The following UNC5A variants were observed in gnomAD, a reference collection of about 807,000 sequenced individuals.
UNC5A encodes the protein unc-5 netrin receptor A.
In UNC5A, 20 loss-of-function variants were observed where a neutral mutation model predicts 87.4. The ratio of observed to expected loss-of-function variants is 0.23; its 90% CI spans 0.16 to 0.33. The LOEUF (loss-of-function observed/expected upper bound fraction) is 0.33, where lower values mean the gene tolerates loss of function less well. UNC5A is among the 10% of genes least tolerant of loss of function. UNC5A has a pLI of 1.00. For missense variants in UNC5A, 844 were observed against 1,133.4 expected, an observed-to-expected ratio of 0.74 and a Z score of 3.67; for synonymous variants, 438 against 482.3, an observed-to-expected ratio of 0.91 and a Z score of 1.20.
chr5:176,816,575 A>G (rs1756593306), intron 1 of UNC5A, among the ~76,000 whole-genome samples: 1 of 152,270 alleles, frequency 6.6e-6, no homozygotes, highest in Non-Finnish European at 1.5e-5. Flanking sequence ...GAGGCCAGGC[A>G]GGTGCCTAGG....
chr5:176,868,005 A>T, intron 2 of UNC5A, 125 bp from the exon 3 acceptor site: 22 of 735,950 alleles, frequency 3.0e-5, no homozygotes, highest in South Asian at 9.4e-5. Flanking sequence ...ATAAAATTTA[A>T]AAAAAAAAAA....
rs1306947809 is a variant in UNC5A, at chr5:176,877,840, T to A, written c.1636-54T>A. The A allele has an allele frequency of 1.0e-5, 16 of 1,542,232 alleles. No individual in the cohort carries two copies. The Admixed American group carries it at 3.0e-4, about 29-fold the overall frequency. ...TCCGGCCACTTCTTGAAGCCACAGC[T>A]GGCCCTAGGGCTCTGAGGCTGGGCC... On this transcript the variant is annotated intron_variant, in intron 10 of 14. Transcript: ENST00000329542.
rs777540731 is a variant in UNC5A at position 176,868,650 on chromosome 5, A to G, written c.526A>G (p.Ile176Val). The change falls in exon 4 of 15, where the codon ATC becomes GTC. Residue 176 changes from isoleucine to valine, a missense_variant. Around this residue, in one of 3 missense-constraint regions of UNC5A, gnomAD observed 314 missense variants for 466.5 expected, o/e 0.67. Coordinates refer to ENST00000329542, the MANE Select transcript of UNC5A (RefSeq NM_133369.3). Reference protein sequence around the residue: ...IVLPCRPPEGIPPAEVEWLRN... With the variant: ...IVLPCRPPEGVPPAEVEWLRN... ...GCTGCCCTGCCGTCCACCGGAGGGC[A>G]TCCCTCCAGCCGAGGTGAGGGCTCC... The G allele has an allele frequency of 3.1e-6, 5 of 1,604,512 alleles. No homozygotes were observed. In the Admixed American group the frequency reaches 8.6e-5, roughly 28 times the overall value.
chr5:176,849,824 G>T (rs1294789963), intron 1 of UNC5A, among the ~76,000 whole-genome samples: 3 of 152,216 alleles, frequency 2.0e-5, no homozygotes, highest in Admixed American at 6.5e-5. Flanking sequence ...CCAGCCCCCA[G>T]CAAGTACATA....
chr5:176,878,682 T>A (rs1397810463), intron 13 of UNC5A, 43 bp downstream of exon 13: 3 of 1,577,666 alleles, frequency 1.9e-6, no homozygotes, highest in African/African-American at 1.3e-5. Flanking sequence ...GTGCTCCCAC[T>A]ACCAACTCCC....
chr5:176,816,222 T>G (rs1274316619), intron 1 of UNC5A, among the ~76,000 whole-genome samples: 1 of 152,238 alleles, frequency 6.6e-6, no homozygotes, highest in Non-Finnish European at 1.5e-5. Flanking sequence ...AGACATCAGC[T>G]GCCCTGGCAG....
chr5:176,868,458 C>T, intron 3 of UNC5A, 103 bp from the exon 4 acceptor site: 1 of 1,444,312 alleles, frequency 6.9e-7, no homozygotes, highest in South Asian at 1.2e-5. Context: ...CCTGGCACTT[C>T]CTCTGCCATG....
At position 176,810,724 on chromosome 5, in the gene UNC5A, GGCCCGCCCGCCT is replaced by G. The variant is rs1371424932; in HGVS notation, c.-16_-5del. 8 of 1,053,340 alleles carry G rather than the reference GGCCCGCCCGCCT, an allele frequency of 7.6e-6. No homozygotes were observed. Among genetic ancestry groups the G allele is most frequent in the Admixed American group, 1.1e-4 (2 of 19,018 alleles). 65.2% of individuals were successfully genotyped at this position (1,053,340 alleles called of 1,614,324 possible). ...CTCCCGCCCGCGGGGCCCCGCGCCC[GGCCCGCCCGCCT>G]GCCCGCCCGCGGCCATGGCCGTCCG... On this transcript the variant is annotated 5_prime_UTR_variant, in exon 1 of 15. Transcript: ENST00000329542. This position sits in a 1 kb window ranked among gnomAD's most constrained non-coding sequence, Gnocchi z 7.3.
At chr5:176,832,201 A>G (rs898830586) in intron 1 of UNC5A, among the ~76,000 whole-genome samples, 1 of 152,084 alleles carries the variant, frequency 6.6e-6, no homozygotes. Context: ...CTGGCCTCAC[A>G]CTTTCTCACT....
At chr5:176,852,309 C>T (rs1170084207) in intron 1 of UNC5A, among the ~76,000 whole-genome samples, 2 of 151,892 alleles carry the variant, frequency 1.3e-5, no homozygotes, top group Non-Finnish European at 2.9e-5. Flanking sequence ...ATACACCACA[C>T]AGAAACACAC....
chr5:176,855,957 C>T (rs149296408), intron 1 of UNC5A, among the ~76,000 whole-genome samples: 1 of 152,286 alleles, frequency 6.6e-6, no homozygotes, highest in East Asian at 1.9e-4. Flanking sequence ...TCAACCGCGC[C>T]GTGTGGTCTG....
chr5:176,869,867 C>T lies in UNC5A; in HGVS notation c.722-503C>T. The T allele has an allele frequency of 1.7e-6, 1 of 578,454 alleles. No homozygotes were observed. 35.8% of individuals were successfully genotyped at this position (578,454 alleles called of 1,614,324 possible). ...CATCGCGCCCACCAGCCTGCCCCCC[C>T]ATGGCTCCATCCCACCCACCCGCCA... On this transcript the variant is annotated intron_variant, in intron 5 of 14. Coordinates refer to ENST00000329542, the MANE Select transcript of UNC5A (RefSeq NM_133369.3). This position sits in a 1 kb window ranked among gnomAD's most constrained non-coding sequence, Gnocchi z 9.1.
intron 6 of UNC5A, among the ~76,000 whole-genome samples, chr5:176,871,837 C>A (rs1758121192): frequency 3.2e-5 from 1 of 31,584 alleles, no homozygotes; most frequent in African/African-American, 1.1e-4. Context: ...CCACACTCGC[C>A]CCAACACCAC....
chr5:176,869,075 G>C lies in UNC5A; in HGVS notation c.721+111G>C. The stretch of plus-strand genomic sequence containing the variant: ...CATGAGGCCAAAGCCAGGTGGACCA[G>C]ATCGTGCCTGACTAGGCAGGATAAG... On this transcript the variant is annotated intron_variant, in intron 5 of 14. Transcript: ENST00000329542. This position sits in a 1 kb window ranked among gnomAD's most constrained non-coding sequence, Gnocchi z 9.1. 8.0e-7 allele frequency: 1 copy of C among 1,245,336 alleles called. No homozygotes were observed. The highest frequency in any genetic ancestry group is 1.1e-6 in the Non-Finnish European group (1 of 919,156). The allele number at this position is 1,245,336 out of a possible 1,614,324, so 77.1% of individuals were successfully genotyped here.
At chr5:176,811,765 G>A (rs1317326627) in intron 1 of UNC5A, among the ~76,000 whole-genome samples, 1 of 152,078 alleles carries the variant, frequency 6.6e-6, no homozygotes, top group Non-Finnish European at 1.5e-5. Context: ...CCATTTGTGT[G>A]GTCAAGGGGG....
At chr5:176,876,603 C>T (rs969484284) in intron 8 of UNC5A, among the ~76,000 whole-genome samples, 2 of 152,228 alleles carry the variant, frequency 1.3e-5, no homozygotes, top group African/African-American at 2.4e-5. Flanking sequence ...GCAAGCCAGC[C>T]GACGGGAGGG....
At chr5:176,819,110 G>T (rs1034716618) in intron 1 of UNC5A, among the ~76,000 whole-genome samples, 2 of 152,172 alleles carry the variant, frequency 1.3e-5, no homozygotes, top group African/African-American at 4.8e-5. Flanking sequence ...TTAAGACAGG[G>T]CTCCCACCTG....
At position 176,862,051 on chromosome 5, in the gene UNC5A, C is replaced by T. The variant is rs993798438; in HGVS notation, c.71-573C>T. 2.6e-5 allele frequency among the ~76,000 whole-genome samples: 4 copies of T among 152,244 alleles called. No homozygotes were observed. In the East Asian group the frequency reaches 5.8e-4, roughly 22 times the overall value. Reference sequence around the variant, plus strand: ...GAAGGAAACCCACATATTCAGGTCTCCTTGAAGGAGGTGGCCCAGGTATCT... The same window carrying T: ...GAAGGAAACCCACATATTCAGGTCTTCTTGAAGGAGGTGGCCCAGGTATCT... On this transcript the variant is annotated intron_variant, in intron 1 of 14. Coordinates refer to ENST00000329542, the MANE Select transcript of UNC5A (RefSeq NM_133369.3).
Position 176,879,817 on chromosome 5 carries a change from G to A in UNC5A, c.2460G>A (p.Leu820=), listed in dbSNP as rs1334297293. Residue 820 remains leucine (L), a synonymous_variant, in exon 15 of 15, where the codon CTG becomes CTA. Coordinates refer to ENST00000329542, the MANE Select transcript of UNC5A (RefSeq NM_133369.3). ...RHFPNGNLSQ[L]AAAVAGLGQP... ...TCCCCAACGGCAACCTCAGCCAGCT[G>A]GCTGCAGCAGTGGCTGGACTGGGCC... 1.2e-6 allele frequency: 2 copies of A among 1,612,934 alleles called. No individual in the cohort carries two copies. Among genetic ancestry groups the A allele is most frequent in the African/African-American group, 1.3e-5 (1 of 74,920 alleles).
Sources: gnomAD v4.1 joint callset for allele counts (sites outside exome capture counted in the v4.1 genomes callset) on GRCh38, gnomAD v4.1.1 for gene constraint, gnomAD v4.1.1 regional missense constraint, Gnocchi (gnomAD v3.1) non-coding constraint, MANE v1.5 for transcripts, NCBI Gene and HGNC (gene_info 2026-07-23, HGNC 2026-07-21) for gene names.